Variants in CCND3 observed in about 807,000 individuals in gnomAD.
CCND3 encodes the protein cyclin D3.
In CCND3, 9 loss-of-function variants were observed where a neutral mutation model predicts 28.7. That is an observed-to-expected ratio of 0.31 (90% CI 0.19 to 0.55). The LOEUF (loss-of-function observed/expected upper bound fraction) is 0.55, where lower values mean the gene tolerates loss of function less well. CCND3 is among the 20% of genes least tolerant of loss of function. The pLI is 0.93. For synonymous variants in CCND3, 164 were observed against 163.9 expected, an observed-to-expected ratio of 1.00 and a Z score of 0.00; for missense variants, 315 against 385.8, an observed-to-expected ratio of 0.82 and a Z score of 1.54.
In CCND3 at chr6:42,048,131, G is replaced by T; in HGVS notation, c.-46+370C>A. The T allele has an allele frequency of 5.8e-6, 1 of 172,086 alleles. No individual in the cohort carries two copies. 10.7% of individuals were successfully genotyped at this position (172,086 alleles called of 1,614,324 possible). A position where few individuals can be genotyped will look rare whatever the true frequency, so the allele number is the denominator to read the frequency against. ...GGTCCCTCCCTCCAGTTTCATCCCG[G>T]TGCACTTGCCAGAGCACTCACAGAC... On this transcript the variant is annotated intron_variant, in intron 1 of 4. Coordinates refer to the CCND3 transcript ENST00000372988. This position sits in a 1 kb window ranked among gnomAD's most constrained non-coding sequence, Gnocchi z 4.7.
upstream of CCND3, among the ~76,000 whole-genome samples, chr6:41,945,887 A>G (rs1029267986): frequency 6.6e-6 from 1 of 152,194 alleles, no homozygotes; most frequent in South Asian, 2.1e-4. Flanking sequence ...TTCTGAAATG[A>G]TTATTATTAT....
chr6:41,943,324 T>C (rs1327867640), upstream of CCND3, among the ~76,000 whole-genome samples: 5 of 152,234 alleles, frequency 3.3e-5, no homozygotes, highest in African/African-American at 9.6e-5. Flanking sequence ...ATGTTTATTT[T>C]TCTAATCTTT....
At chr6:41,982,226 T>TG (rs1429899030) in intron 1 of CCND3, among the ~76,000 whole-genome samples, 1 of 150,670 alleles carries the variant, frequency 6.6e-6, no homozygotes, top group Non-Finnish European at 1.5e-5. Flanking sequence ...GCAGAGATTG[T>TG]GCCATTGTAC....
At chr6:42,025,671 G>A (rs1763855659) in intron 1 of CCND3, among the ~76,000 whole-genome samples, 1 of 152,222 alleles carries the variant, frequency 6.6e-6, no homozygotes, top group African/African-American at 2.4e-5. Flanking sequence ...TCAGAGGTGA[G>A]GGCCTATCAG....
chr6:41,981,192 A>ATATT (rs777302648), intron 1 of CCND3, among the ~76,000 whole-genome samples: 13 of 152,098 alleles, frequency 8.5e-5, no homozygotes, highest in Non-Finnish European at 1.5e-4. Flanking sequence ...GGATATAAAA[A>ATATT]TATTTATTTA....
chr6:41,937,575 A>T (rs939412528), intron 2 of CCND3, 181 bp from the exon 3 acceptor site: 2 of 645,682 alleles, frequency 3.1e-6, no homozygotes, highest in African/African-American at 3.7e-5. Flanking sequence ...AGGAGGAGGC[A>T]TGTGCTTTGA....
At chr6:41,962,997 C>T (rs1316477563) in intron 1 of CCND3, among the ~76,000 whole-genome samples, 2 of 152,008 alleles carry the variant, frequency 1.3e-5, no homozygotes, top group Non-Finnish European at 2.9e-5. Flanking sequence ...GTGATCTGCC[C>T]GCCTCGGCCT....
At chr6:41,946,595 C>CAAAAAAAA (rs35369019), upstream of CCND3, among the ~76,000 whole-genome samples, 306 of 20,930 alleles carry the variant, frequency 0.015, 54 homozygotes, top group Non-Finnish European at 0.018. Context: ...AGACCTGTCT[C>CAAAAAAAA]AAAAAAAAAA....
intron 1 of CCND3, among the ~76,000 whole-genome samples, chr6:42,037,501 C>T (rs1259732037): frequency 2.8e-4 from 41 of 147,042 alleles, no homozygotes; most frequent in East Asian, 8.3e-4. Flanking sequence ...TCCCAAAGTG[C>T]TGGGATTACA....
At chr6:42,039,547 G>A (rs944980518) in intron 1 of CCND3, among the ~76,000 whole-genome samples, 3 of 152,324 alleles carry the variant, frequency 2.0e-5, no homozygotes, top group Non-Finnish European at 2.9e-5. Flanking sequence ...CCAGACTTAC[G>A]CTCTCAGCTG....
At chr6:42,039,612 A>G (rs1764312149) in intron 1 of CCND3, among the ~76,000 whole-genome samples, 1 of 152,238 alleles carries the variant, frequency 6.6e-6, no homozygotes, top group African/African-American at 2.4e-5. Context: ...GAGCGAGGAA[A>G]GGAAAATGAG....
At chr6:42,046,656 A>G (rs747573425) in intron 1 of CCND3, among the ~76,000 whole-genome samples, 49 of 151,366 alleles carry the variant, frequency 3.2e-4, no homozygotes, top group Non-Finnish European at 5.6e-4. Context: ...ACGCGCGCGC[A>G]CACACACACA....
At chr6:42,020,094 A>T (rs147870646) in intron 1 of CCND3, among the ~76,000 whole-genome samples, 3 of 152,138 alleles carry the variant, frequency 2.0e-5, no homozygotes, top group East Asian at 3.9e-4. Context: ...CTGGCTAACA[A>T]GGTGAAATCC....
chr6:42,002,747 G>A (rs1021300009), intron 1 of CCND3, among the ~76,000 whole-genome samples: 4 of 151,852 alleles, frequency 2.6e-5, no homozygotes, highest in Admixed American at 6.6e-5. Flanking sequence ...CCAGCTACTC[G>A]GGAGGCTGAG....
chr6:41,976,245 A>G (rs1762180525), intron 1 of CCND3, among the ~76,000 whole-genome samples: 1 of 151,804 alleles, frequency 6.6e-6, no homozygotes, highest in South Asian at 2.1e-4. Flanking sequence ...CCAGCTACTC[A>G]GGAGGCTGAG....
At position 41,992,598 on chromosome 6, in the gene CCND3, G is replaced by A. The variant is rs185095727; in HGVS notation, c.-45-52013C>T. Among the ~76,000 whole-genome samples the A allele has an allele frequency of 2.9e-3, 440 of 151,486 alleles. 2 individuals are homozygous for A. Among genetic ancestry groups the A allele is most frequent in the African/African-American group, 9.8e-3 (406 of 41,224 alleles). ...TAAGTAGCTGGGATAACAGGCATGC[G>A]CCACCACGCCCAGCTAATTTTTGTA... On this transcript the variant is annotated intron_variant, in intron 1 of 4. Transcript: ENST00000372988.
At chr6:41,942,872 CTTTTTTT>C (rs60884050), upstream of CCND3, among the ~76,000 whole-genome samples, 1 of 82,568 alleles carries the variant, frequency 1.2e-5, no homozygotes, top group East Asian at 3.2e-4. Context: ...GTTAATTATT[CTTTTTTT>C]TTTTTTTTTT....
chr6:42,001,168 G>C (rs974142587), intron 1 of CCND3, among the ~76,000 whole-genome samples: 4 of 138,312 alleles, frequency 2.9e-5, no homozygotes, highest in Admixed American at 7.9e-5. Context: ...CTAGGAGGTG[G>C]AGGTTGCAGT....
chr6:42,009,113 G>A (rs1763260312), intron 1 of CCND3, among the ~76,000 whole-genome samples: 1 of 152,180 alleles, frequency 6.6e-6, no homozygotes, highest in Admixed American at 6.6e-5. Flanking sequence ...GGTCACTACT[G>A]GGGGCTCAAC....
Sources: allele counts gnomAD v4.1 joint callset (sites outside exome capture counted in the v4.1 genomes callset), GRCh38; gene constraint gnomAD v4.1.1; non-coding constraint Gnocchi (gnomAD v3.1); transcripts MANE v1.5; gene names NCBI Gene and HGNC (gene_info 2026-07-23, HGNC 2026-07-21).